Variants in MICAL2 observed in about 807,000 individuals in gnomAD.
MICAL2 encodes [F-actin]-monooxygenase MICAL2.
A neutral mutation model predicts 127.3 loss-of-function variants in MICAL2; 77 were observed. That is an observed-to-expected ratio of 0.60 (90% CI 0.50 to 0.73). MICAL2 has a LOEUF of 0.73. Ranked by LOEUF, MICAL2 falls within the 30% of genes least tolerant of loss-of-function variation. The pLI is 0.00. For synonymous variants in MICAL2, 570 were observed against 551.1 expected, an observed-to-expected ratio of 1.03 and a Z score of -0.48; for missense variants, 1,351 against 1,434.4, an observed-to-expected ratio of 0.94 and a Z score of 0.94.
downstream of MICAL2, among the ~76,000 whole-genome samples, chr11:12,360,799 TA>T (rs1939194779): frequency 6.6e-6 from 1 of 152,248 alleles, no homozygotes; most frequent in Non-Finnish European, 1.5e-5. Flanking sequence ...GGCTCAGTTT[TA>T]TCTGGCCAAG....
Position 12,319,729 on chromosome 11 carries a change from CAG to C in MICAL2, c.5249_5250del (p.Glu1750GlyfsTer15), listed in dbSNP as rs915507140. 1 of 1,614,036 alleles carries C rather than the reference CAG, an allele frequency of 6.2e-7. No individual in the cohort carries two copies. Among genetic ancestry groups the C allele is most frequent in the African/African-American group, 1.3e-5 (1 of 75,044 alleles). On this transcript the variant is annotated frameshift_variant, in exon 30 of 35. Coordinates refer to the MICAL2 transcript ENST00000646065. LOFTEE classifies it high-confidence loss of function. Reference sequence around the variant, plus strand: ...AACTTTCCCCTCAGAGCACAGGTAACAGAGGCTTCCTCTTCTGCCTCTTCAAC... The same window carrying C: ...AACTTTCCCCTCAGAGCACAGGTAACAGGCTTCCTCTTCTGCCTCTTCAAC...
chr11:12,330,933 CTGTA>C (rs1864420251), intron 32 of MICAL2, among the ~76,000 whole-genome samples: 1 of 91,992 alleles, frequency 1.1e-5, no homozygotes, highest in African/African-American at 4.1e-5. Flanking sequence ...GTGTGTGTGT[CTGTA>C]TGTGTGTGTC....
chr11:12,271,885 A>G (rs924947624), upstream of MICAL2, among the ~76,000 whole-genome samples: 1 of 152,148 alleles, frequency 6.6e-6, no homozygotes, highest in Admixed American at 6.5e-5. Context: ...TTGTCTGGGC[A>G]CATTGGCAAA....
downstream of MICAL2, chr11:12,294,213 G>A (rs200474609): frequency 3.1e-4 from 495 of 1,614,034 alleles, no homozygotes; most frequent in Middle Eastern, 3.0e-3. Flanking sequence ...CAAGGGGAGC[G>A]AAACGTGCCT....
At chr11:12,341,205 G>T (rs1275657350) in intron 32 of MICAL2, among the ~76,000 whole-genome samples, 3 of 152,142 alleles carry the variant, frequency 2.0e-5, no homozygotes, top group Non-Finnish European at 4.4e-5. Context: ...CAGTGCTATT[G>T]AGAGTTCCTG....
intron 24 of MICAL2, among the ~76,000 whole-genome samples, chr11:12,258,163 GC>G (rs1862584910): frequency 1.3e-5 from 2 of 152,158 alleles, no homozygotes; most frequent in Non-Finnish European, 2.9e-5. Flanking sequence ...GAGCTCCCAT[GC>G]CCTCTCCGGG....
rs183686502 is a variant in MICAL2 at position 12,160,000 on chromosome 11, C to T, written c.-77-2079C>T. Reference sequence around the variant, plus strand: ...CATAGACCGGGGTCACTGGGTAAGGCCTCATGGAGGACCCAGCCTGGGTAG... The same window carrying T: ...CATAGACCGGGGTCACTGGGTAAGGTCTCATGGAGGACCCAGCCTGGGTAG... On this transcript the variant is annotated intron_variant, in intron 2 of 27. Coordinates refer to ENST00000683283, the MANE Select transcript of MICAL2 (RefSeq NM_001282663.2). Among the ~76,000 whole-genome samples, 41 of 152,284 alleles carry T rather than the reference C, an allele frequency of 2.7e-4. No individual in the cohort carries two copies. In the East Asian group the frequency reaches 2.9e-3, roughly 11 times the overall value.
At chr11:12,244,635 A>G (rs1860451018) in intron 21 of MICAL2, among the ~76,000 whole-genome samples, 3 of 152,312 alleles carry the variant, frequency 2.0e-5, no homozygotes, top group African/African-American at 4.8e-5. Context: ...GAGGTAATGC[A>G]GAGAAGGTAA....
At chr11:12,199,693 C>A (rs1860424519) in intron 3 of MICAL2, among the ~76,000 whole-genome samples, 1 of 152,196 alleles carries the variant, frequency 6.6e-6, no homozygotes, top group Non-Finnish European at 1.5e-5. Flanking sequence ...TGAGCTGGGG[C>A]CGCCCAGTCC....
intron 29 of MICAL2, among the ~76,000 whole-genome samples, chr11:12,313,365 G>A (rs183026477): frequency 6.6e-6 from 1 of 151,994 alleles, no homozygotes; most frequent in East Asian, 1.9e-4. Context: ...ATGAATAACC[G>A]CGGGGGGAGA....
chr11:12,176,550 T>G (rs1264921080), intron 3 of MICAL2, among the ~76,000 whole-genome samples: 1 of 152,168 alleles, frequency 6.6e-6, no homozygotes, highest in East Asian at 1.9e-4. Flanking sequence ...GCAATACATT[T>G]TTGTGCAGCC....
Position 12,208,017 on chromosome 11 carries a change from T to C in MICAL2, c.473-6T>C, listed in dbSNP as rs374695134. 6.2e-6 allele frequency: 10 copies of C among 1,609,844 alleles called. No homozygotes were observed. Among genetic ancestry groups the C allele is most frequent in the African/African-American group, 2.7e-5 (2 of 74,864 alleles). ...TGACAGTTCCTCTCTCCTTCCTGCCTGACAGGTATTCGCCAACTACAGCTC... is the reference window on the plus strand; with the variant it reads ...TGACAGTTCCTCTCTCCTTCCTGCCCGACAGGTATTCGCCAACTACAGCTC... On this transcript the variant is annotated splice_polypyrimidine_tract_variant and splice_region_variant and intron_variant, in intron 4 of 27. Transcript: ENST00000683283.
intron 21 of MICAL2, among the ~76,000 whole-genome samples, chr11:12,247,000 A>G (rs1420722470): frequency 1.3e-5 from 2 of 152,176 alleles, no homozygotes; most frequent in Non-Finnish European, 2.9e-5. Context: ...GAAGGGTGGC[A>G]ATTTTAAATG....
At chr11:12,258,950 A>G (rs930046036) in intron 25 of MICAL2, among the ~76,000 whole-genome samples, 4 of 152,306 alleles carry the variant, frequency 2.6e-5, no homozygotes, top group Admixed American at 6.5e-5. Flanking sequence ...ACATTTTCCA[A>G]GTCCTCTCCC....
At chr11:12,147,454 G>C (rs1311107490) in intron 2 of MICAL2, among the ~76,000 whole-genome samples, 2 of 152,210 alleles carry the variant, frequency 1.3e-5, no homozygotes, top group African/African-American at 4.8e-5. Flanking sequence ...AATACAGAAA[G>C]CTGAATTATT....
chr11:12,242,225 G>T lies in MICAL2; in HGVS notation c.2349G>T (p.Val783=), dbSNP rs2134478622. The change falls in exon 19 of 28, where the codon GTG becomes GTT. Residue 783 remains valine (V), a synonymous_variant. Transcript: ENST00000683283. ...SPPLKRQFPS[V]VVTGHVLREL... is the part of the protein sequence containing the mutation. ...TCCCTCTTTCCCAGTTCCCCTCTGT[G>T]GTCGTGACGGGGCACGTGCTCAGAG... 3.1e-6 allele frequency: 5 copies of T among 1,607,188 alleles called. No individual in the cohort carries two copies. Among genetic ancestry groups the T allele is most frequent in the Admixed American group, 1.7e-5 (1 of 59,726 alleles).
intron 3 of MICAL2, among the ~76,000 whole-genome samples, chr11:12,182,633 G>C (rs918649740): frequency 6.6e-6 from 1 of 152,172 alleles, no homozygotes; most frequent in Non-Finnish European, 1.5e-5. Flanking sequence ...AATGCACTGT[G>C]ATTCTACGTT....
upstream of MICAL2, among the ~76,000 whole-genome samples, chr11:12,271,370 G>A (rs1343571315): frequency 6.6e-6 from 1 of 152,210 alleles, no homozygotes; most frequent in Middle Eastern, 3.2e-3. Flanking sequence ...CAGCAAGAGG[G>A]CTGGTGGTGT....
intron 1 of MICAL2, among the ~76,000 whole-genome samples, chr11:12,117,267 G>A (rs553396671): frequency 1.3e-5 from 2 of 152,224 alleles, no homozygotes; most frequent in Non-Finnish European, 2.9e-5. Flanking sequence ...GGGGTTGGAC[G>A]GTGGTCCCTG....
Sources: gnomAD v4.1 joint callset for allele counts (sites outside exome capture counted in the v4.1 genomes callset) on GRCh38, gnomAD v4.1.1 for gene constraint, MANE v1.5 for transcripts, NCBI Gene and HGNC (gene_info 2026-07-23, HGNC 2026-07-21) for gene names.